TRUB1: variants seen among roughly 807,000 people sequenced by gnomAD.
TRUB1 encodes TruB pseudouridine synthase family member 1.
Under a neutral mutation model 33.9 loss-of-function variants are expected in TRUB1, and 23 were observed. The ratio of observed to expected loss-of-function variants is 0.68; its 90% CI spans 0.49 to 0.96. The LOEUF (loss-of-function observed/expected upper bound fraction) is 0.96. TRUB1 is among the 40% of genes least tolerant of loss of function. The pLI, the probability that TRUB1 is intolerant of heterozygous loss-of-function variation, is 0.00. For synonymous variants in TRUB1, 163 were observed against 165.4 expected (o/e 0.99, Z 0.11); for missense variants, 378 against 422.2 (o/e 0.90, Z 0.92).
intron 1 of TRUB1, 84 bp downstream of exon 1, chr10:114,938,623 C>G: frequency 7.2e-7 from 1 of 1,381,204 alleles, no homozygotes; most frequent in South Asian, 1.6e-5. Flanking sequence ...GCTCGTGATT[C>G]AAGAGACAAA....
chr10:114,971,270 T>A (rs2084335622), intron 5 of TRUB1, among the ~76,000 whole-genome samples: 1 of 152,184 alleles, frequency 6.6e-6, no homozygotes, highest in Admixed American at 6.5e-5. Flanking sequence ...GCATATAAAT[T>A]TGGAGGTTTG....
intron 3 of TRUB1, among the ~76,000 whole-genome samples, chr10:114,952,862 A>C (rs2084243161): frequency 1.3e-5 from 2 of 151,924 alleles, no homozygotes; most frequent in South Asian, 4.2e-4. Context: ...TTGTTTCTGA[A>C]CTCCCAAAGA....
At position 114,942,653 on chromosome 10, in the gene TRUB1, A is replaced by C; in HGVS notation, c.295A>C (p.Met99Leu). Residue 99 changes from methionine (M) to leucine (L), a missense_variant, in exon 2 of 8, where the codon ATG becomes CTG. Transcript: ENST00000298746. The stretch of plus-strand genomic sequence containing the variant: ...CCCCATTTCTCTCATAGAAGCTGGA[A>C]TGCCTTCTCCAGAATGGACCAAGAG... ...LKEKLLAEAG[M>L]PSPEWTKRKK... 6.2e-7 allele frequency: 1 copy of C among 1,612,568 alleles called. No individual in the cohort carries two copies. The highest frequency in any genetic ancestry group is 8.5e-7 in the Non-Finnish European group (1 of 1,178,656).
rs2084357537 is a variant in TRUB1, at chr10:114,975,735, T to C, written c.*356T>C. ...AAAGAAAAAAGTATGAGCTCCATGT[T>C]TCTTTAGTTTCACAAAAATGACCAT... On this transcript the variant is annotated 3_prime_UTR_variant, in exon 8 of 8. Transcript: ENST00000298746. 1 of 157,692 alleles carries C rather than the reference T, an allele frequency of 6.3e-6. No individual in the cohort carries two copies. The highest frequency in any genetic ancestry group is 1.4e-5 in the Non-Finnish European group (1 of 71,860). 9.8% of individuals were successfully genotyped at this position (157,692 alleles called of 1,614,324 possible).
intron 6 of TRUB1, 28 bp downstream of exon 6, chr10:114,972,302 G>T (rs2084340405): frequency 7.7e-6 from 12 of 1,564,360 alleles, no homozygotes; most frequent in African/African-American, 5.5e-5. Flanking sequence ...GAAATCATTT[G>T]TATTTACGTG....
intron 1 of TRUB1, 23 bp downstream of exon 1, chr10:114,938,562 C>A: frequency 1.3e-6 from 2 of 1,508,268 alleles, no homozygotes; most frequent in South Asian, 2.7e-5. Flanking sequence ...GGGTGGGGAC[C>A]AGGCTGAGGC....
intron 3 of TRUB1, among the ~76,000 whole-genome samples, chr10:114,958,116 G>C (rs1448335231): frequency 6.6e-6 from 1 of 152,136 alleles, no homozygotes; most frequent in Non-Finnish European, 1.5e-5. Context: ...AGACTAACTT[G>C]GTCTACAAAT....
chr10:114,959,371 C>CCATT (rs2084275648), intron 3 of TRUB1, among the ~76,000 whole-genome samples: 1 of 152,038 alleles, frequency 6.6e-6, no homozygotes, highest in Admixed American at 6.5e-5. Flanking sequence ...GGCTATTGTA[C>CCATT]CATTCTCTCT....
chr10:114,945,736 G>A (rs2084208389), intron 2 of TRUB1, among the ~76,000 whole-genome samples: 1 of 152,128 alleles, frequency 6.6e-6, no homozygotes, highest in Non-Finnish European at 1.5e-5. Context: ...TGTGGCCCAA[G>A]ACAATTCTTC....
At chr10:114,970,591 G>A in intron 5 of TRUB1, 151 bp downstream of exon 5, 1 of 650,134 alleles carries the variant, frequency 1.5e-6, no homozygotes, top group Non-Finnish European at 2.7e-6. Flanking sequence ...GGTGAGACAG[G>A]ATGTGGAGCT....
intron 4 of TRUB1, 33 bp from the exon 5 acceptor site, chr10:114,970,335 T>G (rs1259786351): frequency 1.4e-6 from 2 of 1,460,156 alleles, no homozygotes; most frequent in African/African-American, 1.4e-5. Context: ...CTTCTGTGGT[T>G]GTTTTAGTGT....
At chr10:114,943,878 G>A (rs1223586751) in intron 2 of TRUB1, among the ~76,000 whole-genome samples, 1 of 152,166 alleles carries the variant, frequency 6.6e-6, no homozygotes, top group African/African-American at 2.4e-5. Flanking sequence ...TTGAGAAGGG[G>A]AAGCTTGAGA....
At chr10:114,946,050 A>T (rs1366057625) in intron 2 of TRUB1, among the ~76,000 whole-genome samples, 2 of 152,218 alleles carry the variant, frequency 1.3e-5, no homozygotes, top group Non-Finnish European at 2.9e-5. Flanking sequence ...TTGTTGTCCA[A>T]GTTAGCAGTT....
intron 6 of TRUB1, among the ~76,000 whole-genome samples, chr10:114,973,303 A>G (rs2084345087): frequency 6.6e-6 from 1 of 152,206 alleles, no homozygotes; most frequent in Non-Finnish European, 1.5e-5. Flanking sequence ...GAAAAAACTC[A>G]GATTTTTCAG....
chr10:114,966,081 C>T (rs2084306465), intron 4 of TRUB1, among the ~76,000 whole-genome samples: 1 of 151,972 alleles, frequency 6.6e-6, no homozygotes, highest in Non-Finnish European at 1.5e-5. Flanking sequence ...AATATACATT[C>T]ACCTATAAAA....
intron 4 of TRUB1, 54 bp from the exon 5 acceptor site, chr10:114,970,310 AAAAT>A: frequency 8.1e-7 from 1 of 1,241,958 alleles, no homozygotes. Flanking sequence ...TGGTGCTGTG[AAAAT>A]AGTACATGTA....
In TRUB1 at chr10:114,952,372, C is replaced by T. The variant is rs199687511; in HGVS notation, c.441+1223C>T. 2.6e-5 allele frequency among the ~76,000 whole-genome samples: 4 copies of T among 152,108 alleles called. No individual in the cohort carries two copies. In the East Asian group the frequency reaches 7.7e-4, roughly 29 times the overall value. On this transcript the variant is annotated intron_variant, in intron 3 of 7. Coordinates refer to ENST00000298746, the MANE Select transcript of TRUB1 (RefSeq NM_139169.5). The stretch of plus-strand genomic sequence containing the variant: ...AGGAGAATCACTTGAACCCAGGAGG[C>T]GGAGGTTGCAGTGAGCCAAGATCAC...
At chr10:114,974,041 A>G (rs547411267) in intron 6 of TRUB1, among the ~76,000 whole-genome samples, 6 of 152,304 alleles carry the variant, frequency 3.9e-5, no homozygotes, top group African/African-American at 1.4e-4. Context: ...ATTTCTAACT[A>G]TTTAAAACCT....
At position 114,959,825 on chromosome 10, in the gene TRUB1, T is replaced by C. The variant is rs753193155; in HGVS notation, c.523+18T>C. The C allele has an allele frequency of 8.9e-6, 13 of 1,457,360 alleles. No homozygotes were observed. Among genetic ancestry groups the C allele is most frequent in the Non-Finnish European group, 1.2e-5 (13 of 1,046,680 alleles). 90.3% of individuals were successfully genotyped at this position (1,457,360 alleles called of 1,614,324 possible). The stretch of plus-strand genomic sequence containing the variant: ...ACCTTACGGTATGAAGCTCATCTAA[T>C]GTAGGCCTCTTTTCTAACATTTAGG... On this transcript the variant is annotated intron_variant, in intron 4 of 7. Transcript: ENST00000298746.
Sources: allele counts gnomAD v4.1 joint callset (sites outside exome capture counted in the v4.1 genomes callset), GRCh38; gene constraint gnomAD v4.1.1; transcripts MANE v1.5; gene names NCBI Gene and HGNC (gene_info 2026-07-23, HGNC 2026-07-21).